Variants in WDR5 observed in about 807,000 individuals in gnomAD.
The protein encoded by WDR5 is WD repeat-containing protein 5.
For synonymous variants in WDR5, 144 were observed against 161.6 expected, an observed-to-expected ratio of 0.89 and a Z score of 0.83; for missense variants, 187 against 416.9, an observed-to-expected ratio of 0.45 and a Z score of 4.80.
chr9:134,142,038 G>C lies in WDR5; in HGVS notation c.354G>C (p.Ser118=). The C allele has an allele frequency of 6.2e-7, 1 of 1,613,822 alleles. No homozygotes were observed. Among genetic ancestry groups the C allele is most frequent in the Non-Finnish European group, 8.5e-7 (1 of 1,179,834 alleles). Residue 118 remains serine (S), a splice_region_variant and synonymous_variant, in exon 5 of 14, where the codon TCG becomes TCC. Transcript: ENST00000358625. The stretch of plus-strand genomic sequence containing the variant: ...CCTTGAAGATATGGGACGTGAGCTC[G>C]GTAAGTGACACTCAGTGCTTCTCTC... ...DKTLKIWDVS[S]GKCLKTLKGH... is the part of the protein sequence containing the mutation.
chr9:134,155,615 G>A (rs1832711551), intron 11 of WDR5, 78 bp from the exon 12 acceptor site: 1 of 1,468,352 alleles, frequency 6.8e-7, no homozygotes, highest in Non-Finnish European at 9.4e-7. Flanking sequence ...GTAGTGAAAC[G>A]CCTTGCTTAG....
intron 9 of WDR5, among the ~76,000 whole-genome samples, chr9:134,153,659 G>A (rs1373460757): frequency 3.9e-5 from 6 of 152,206 alleles, no homozygotes; most frequent in Admixed American, 6.5e-5. Flanking sequence ...GGTGCCTGGC[G>A]AGGCCAGGCG....
In WDR5 at chr9:134,149,186, T is replaced by C. The variant is rs147334285; in HGVS notation, c.584+843T>C. Among the ~76,000 whole-genome samples, 245 of 152,304 alleles carry C rather than the reference T, an allele frequency of 1.6e-3. 8 individuals carry two copies. In the East Asian group the frequency reaches 0.035, roughly 22 times the overall value. On this transcript the variant is annotated intron_variant, in intron 8 of 13. Transcript: ENST00000358625. ...AGGGGGTCACAGTCTGTAGTCGCCA[T>C]GCATGACCCCCCATCGGTCTTGAGA...
At chr9:134,146,298 G>A (rs1305210031) in intron 7 of WDR5, among the ~76,000 whole-genome samples, 1 of 150,976 alleles carries the variant, frequency 6.6e-6, no homozygotes, top group East Asian at 1.9e-4. Flanking sequence ...ACAGTGACGC[G>A]ATCTTGGCTC....
intron 8 of WDR5, among the ~76,000 whole-genome samples, chr9:134,150,070 G>A (rs376595123): frequency 2.6e-5 from 4 of 152,326 alleles, no homozygotes; most frequent in South Asian, 2.1e-4. Flanking sequence ...AGGCGGGAGG[G>A]AGCTCCCTGG....
chr9:134,149,340 C>T (rs1021183575), intron 8 of WDR5, among the ~76,000 whole-genome samples: 1 of 152,206 alleles, frequency 6.6e-6, no homozygotes, highest in South Asian at 2.1e-4. Context: ...ACTGTGATGG[C>T]GTTTGGGGCT....
At chr9:134,143,527 C>T (rs746633165) in intron 7 of WDR5, among the ~76,000 whole-genome samples, 1 of 147,642 alleles carries the variant, frequency 6.8e-6, no homozygotes, top group Admixed American at 6.7e-5. Context: ...GAGCGAAACT[C>T]TGTCTTTTTT....
At chr9:134,148,417 C>T (rs1347721900) in intron 8 of WDR5, 74 bp downstream of exon 8, 2 of 1,341,510 alleles carry the variant, frequency 1.5e-6, no homozygotes, top group South Asian at 1.2e-5. Context: ...GTTCCTGCAT[C>T]TGGGGGTACA....
intron 5 of WDR5, 88 bp from the exon 6 acceptor site, chr9:134,142,245 T>G: frequency 2.1e-6 from 3 of 1,430,576 alleles, no homozygotes; most frequent in Non-Finnish European, 1.9e-6. Flanking sequence ...CAGGCATGCT[T>G]TGGGATGTCA....
Position 134,139,626 on chromosome 9 carries a change from G to A in WDR5, c.-58-194G>A, listed in dbSNP as rs547969844. ...TGATGACAAAAGGGGAGAGCGCAGG[G>A]GTGTCAGCGGAGCAGCTGGAAAGTA... On this transcript the variant is annotated intron_variant, in intron 1 of 13. Transcript: ENST00000358625. Among the ~76,000 whole-genome samples, 10 of 152,284 alleles carry A rather than the reference G, an allele frequency of 6.6e-5. 1 individual carries two copies. In the South Asian group the frequency reaches 2.1e-3, roughly 32 times the overall value.
rs546890852 is a variant in WDR5, at chr9:134,154,670, C to T, written c.707+129C>T. ...GGGATCCAGGCTCCTGGTGGAGCTTCGGCTTCTGGGCAGTGGCCTGTTAGG... is the reference window on the plus strand; with the variant it reads ...GGGATCCAGGCTCCTGGTGGAGCTTTGGCTTCTGGGCAGTGGCCTGTTAGG... On this transcript the variant is annotated intron_variant, in intron 10 of 13. Coordinates refer to ENST00000358625, the MANE Select transcript of WDR5 (RefSeq NM_017588.3). 3.2e-4 allele frequency: 345 copies of T among 1,074,216 alleles called. 4 individuals carry two copies. In the East Asian group the frequency reaches 6.8e-3, roughly 21 times the overall value. The allele number at this position is 1,074,216 out of a possible 1,614,324, so 66.5% of individuals were successfully genotyped here.
chr9:134,157,773 C>T lies in WDR5; in HGVS notation c.905-120C>T. The stretch of plus-strand genomic sequence containing the variant: ...GGGCAGTGGGTGCTTGTCCTGTGAC[C>T]TCCCAGGTGGCGGGCAGGCGCTACC... On this transcript the variant is annotated intron_variant, in intron 13 of 13. Coordinates refer to ENST00000358625, the MANE Select transcript of WDR5 (RefSeq NM_017588.3). The surrounding 1 kb of genome is among the most constrained non-coding windows in gnomAD (Gnocchi z 5.0). 1 of 875,294 alleles carries T rather than the reference C, an allele frequency of 1.1e-6. No individual in the cohort carries two copies. The highest frequency in any genetic ancestry group is 2.1e-5 in the Admixed American group (1 of 46,884). The allele number at this position is 875,294 out of a possible 1,614,324, so 54.2% of individuals were successfully genotyped here. A position where few individuals can be genotyped will look rare whatever the true frequency, so the allele number is the denominator to read the frequency against.
chr9:134,136,738 G>A (rs1831581655), intron 1 of WDR5, among the ~76,000 whole-genome samples: 1 of 152,150 alleles, frequency 6.6e-6, no homozygotes. Flanking sequence ...TCCTCGCGCG[G>A]GGCCGCAGAC....
intron 6 of WDR5, 42 bp downstream of exon 6, chr9:134,142,464 G>C: frequency 1.2e-6 from 2 of 1,606,012 alleles, no homozygotes; most frequent in Non-Finnish European, 1.7e-6. Context: ...AGGTGGTGTC[G>C]GATGTGGGAA....
chr9:134,154,682 A>G, intron 10 of WDR5, 141 bp downstream of exon 10: 1 of 949,266 alleles, frequency 1.1e-6, no homozygotes, highest in Non-Finnish European at 1.6e-6. Flanking sequence ...GCTTCTGGGC[A>G]GTGGCCTGTT....
chr9:134,140,434 G>A (rs1588168543), intron 2 of WDR5, among the ~76,000 whole-genome samples: 1 of 151,812 alleles, frequency 6.6e-6, no homozygotes, highest in South Asian at 2.1e-4. Flanking sequence ...ATTGAGGGGG[G>A]CCTCACGTTT....
chr9:134,137,419 A>G (rs573078678), intron 1 of WDR5, among the ~76,000 whole-genome samples: 1 of 152,208 alleles, frequency 6.6e-6, no homozygotes, highest in South Asian at 2.1e-4. Context: ...GCGGTGGCTC[A>G]CGCCTGTAAT....
At chr9:134,136,336 C>T (rs986215459) in intron 1 of WDR5, 136 bp downstream of exon 1, 10 of 150,120 alleles carry the variant, frequency 6.7e-5, no homozygotes, top group Non-Finnish European at 3.0e-5. Flanking sequence ...GCGCTGCTCC[C>T]GCTGCAGCGG....
At chr9:134,151,831 T>A in intron 8 of WDR5, 152 bp from the exon 9 acceptor site, 1 of 742,344 alleles carries the variant, frequency 1.3e-6, no homozygotes, top group Non-Finnish European at 2.2e-6. Context: ...GTCCCTAGAA[T>A]ATAAGAGAAT....
Sources: gnomAD v4.1 joint callset for allele counts (sites outside exome capture counted in the v4.1 genomes callset) on GRCh38, gnomAD v4.1.1 for gene constraint, Gnocchi (gnomAD v3.1) non-coding constraint, MANE v1.5 for transcripts, NCBI Gene and HGNC (gene_info 2026-07-23, HGNC 2026-07-21) for gene names.